The following SLC9A4 variants were observed in gnomAD, a reference collection of about 807,000 sequenced individuals.
SLC9A4 encodes sodium/hydrogen exchanger 4.
SLC9A4 carries 63 observed loss-of-function variants against 67.4 expected under a neutral mutation model. That is an observed-to-expected ratio of 0.93 (90% CI 0.76 to 1.15). The LOEUF is 1.15. Among genes scored for constraint, SLC9A4 ranks in the 50% most tolerant of loss-of-function variants. The probability of loss-of-function intolerance (pLI) is 0.00; values close to 1 mark genes in which losing one functional copy is unlikely to be tolerated. For missense variants in SLC9A4, 1,089 were observed against 987.7 expected (o/e 1.10, Z -1.38); for synonymous variants, 393 against 367.2 (o/e 1.07, Z -0.80).
intron 2 of SLC9A4, among the ~76,000 whole-genome samples, chr2:102,483,409 G>A (rs1053721296): frequency 2.0e-5 from 3 of 152,194 alleles, no homozygotes; most frequent in Non-Finnish European, 4.4e-5. Flanking sequence ...CTTCTTGGGG[G>A]CAGCAGTCAC....
intron 5 of SLC9A4, 115 bp from the exon 6 acceptor site, chr2:102,508,732 A>G: frequency 1.4e-6 from 1 of 729,956 alleles, no homozygotes. Context: ...ACTCTGTAAT[A>G]GCTAGTACAA....
intron 7 of SLC9A4, among the ~76,000 whole-genome samples, chr2:102,513,202 G>A (rs1310595223): frequency 6.6e-6 from 1 of 152,164 alleles, no homozygotes; most frequent in Non-Finnish European, 1.5e-5. Flanking sequence ...GACCCAGTTG[G>A]AATAAGAGGA....
At chr2:102,500,934 A>G (rs1684916665) in intron 2 of SLC9A4, among the ~76,000 whole-genome samples, 1 of 149,498 alleles carries the variant, frequency 6.7e-6, no homozygotes, top group Admixed American at 6.7e-5. Flanking sequence ...TTTACTGCCA[A>G]CCTCTCTGTG....
At position 102,473,653 on chromosome 2, in the gene SLC9A4, A is replaced by G. The variant is rs771191956; in HGVS notation, c.-107A>G. ...TTGGGAGGACCCACAGACTGTACCT[A>G]TATTACTTTTGACCCAGGTGGATGC... On this transcript the variant is annotated 5_prime_UTR_variant, in exon 1 of 12. Transcript: ENST00000295269. 9.4e-6 allele frequency: 13 copies of G among 1,385,122 alleles called. No individual in the cohort carries two copies. The highest frequency in any genetic ancestry group is 5.7e-5 in the African/African-American group (4 of 69,624). 85.8% of individuals were successfully genotyped at this position (1,385,122 alleles called of 1,614,324 possible).
rs752787129 is a variant in SLC9A4, at chr2:102,479,158, C to T, written c.576C>T (p.Asn192=). 3.7e-6 allele frequency: 6 copies of T among 1,614,052 alleles called. No individual in the cohort carries two copies. The highest frequency in any genetic ancestry group is 2.2e-5 in the South Asian group (2 of 91,072). The change falls in exon 2 of 12, where the codon AAC becomes AAT. Residue 192 remains asparagine (N), a synonymous_variant. Transcript: ENST00000295269. Reference sequence around the variant, plus strand: ...AGGCCTTTGGCCTGGGCGACGTCAACCTGCTGCAGAACCTGCTGTTCGGCA... The same window carrying T: ...AGGCCTTTGGCCTGGGCGACGTCAATCTGCTGCAGAACCTGCTGTTCGGCA... The part of the protein sequence containing the change: ...QVKAFGLGDV[N]LLQNLLFGSL...
At chr2:102,501,403 G>A (rs565338366) in intron 2 of SLC9A4, among the ~76,000 whole-genome samples, 50 of 152,096 alleles carry the variant, frequency 3.3e-4, no homozygotes, top group Non-Finnish European at 6.2e-4. Flanking sequence ...TTACAGGCAT[G>A]AGCCTAATTT....
chr2:102,530,355 T>C (rs1674753080), intron 11 of SLC9A4, among the ~76,000 whole-genome samples: 2 of 152,314 alleles, frequency 1.3e-5, no homozygotes, highest in Non-Finnish European at 2.9e-5. Context: ...TATCCACTGC[T>C]CTGCCTGGAA....
chr2:102,483,841 T>TATATATATATATATACACAC (rs370126753), intron 2 of SLC9A4, among the ~76,000 whole-genome samples: 1 of 126,780 alleles, frequency 7.9e-6, no homozygotes, highest in African/African-American at 3.1e-5. Flanking sequence ...TATATATATA[T>TATATATATATATATACACAC]ACACACACAC....
At chr2:102,488,957 A>G (rs1684645562) in intron 2 of SLC9A4, among the ~76,000 whole-genome samples, 1 of 152,214 alleles carries the variant, frequency 6.6e-6, no homozygotes, top group Admixed American at 6.5e-5. Context: ...ATCAAAAAAT[A>G]TTACTGAGCT....
intron 2 of SLC9A4, among the ~76,000 whole-genome samples, chr2:102,498,714 C>T (rs1422434497): frequency 2.6e-5 from 4 of 152,232 alleles, no homozygotes; most frequent in Non-Finnish European, 5.9e-5. Flanking sequence ...GACACAACCA[C>T]TGAGATTCTT....
rs150730217 is a variant in SLC9A4, at chr2:102,507,306, GGA to G, written c.1199-769_1199-768del. Among the ~76,000 whole-genome samples the G allele has an allele frequency of 5.1e-4, 78 of 152,332 alleles. 1 individual carries two copies. The East Asian group carries it at 0.014, about 27-fold the overall frequency. On this transcript the variant is annotated intron_variant, in intron 4 of 11. Transcript: ENST00000295269. ...TGTGACGAGACGCACATGAGGATGT[GGA>G]GAGTTTTATTCTACGAAGTGAAACT...
Position 102,479,376 on chromosome 2 carries a change from G to A in SLC9A4, c.720+74G>A, listed in dbSNP as rs1684410767. 26 of 1,456,136 alleles carry A rather than the reference G, an allele frequency of 1.8e-5. 2 individuals are homozygous for A. The South Asian group carries it at 3.4e-4, about 19-fold the overall frequency. 90.2% of individuals were successfully genotyped at this position (1,456,136 alleles called of 1,614,324 possible). A position where few individuals can be genotyped will look rare whatever the true frequency, so the allele number is the denominator to read the frequency against. On this transcript the variant is annotated intron_variant, in intron 2 of 11. Coordinates refer to ENST00000295269, the MANE Select transcript of SLC9A4 (RefSeq NM_001011552.4). Reference sequence around the variant, plus strand: ...GGTGGGGCTGGGGACCGGAGGCTGTGGAGACGGCTCCAGTGTGGCTCAGCG... The same window carrying A: ...GGTGGGGCTGGGGACCGGAGGCTGTAGAGACGGCTCCAGTGTGGCTCAGCG...
At chr2:102,509,075 G>A (rs1685106452) in intron 6 of SLC9A4, 142 bp downstream of exon 6, 1 of 708,852 alleles carries the variant, frequency 1.4e-6, no homozygotes, top group Non-Finnish European at 2.4e-6. Context: ...TATGGCTGCT[G>A]TAGGAAATTG....
chr2:102,493,302 T>C lies in SLC9A4; in HGVS notation c.721-10146T>C, dbSNP rs1043296688. On this transcript the variant is annotated intron_variant, in intron 2 of 11. Coordinates refer to ENST00000295269, the MANE Select transcript of SLC9A4 (RefSeq NM_001011552.4). ...CCCCACTCTACCTGTACCAATTTAC[T>C]GCATTAGTCCATTTTCATGCTACTA... Among the ~76,000 whole-genome samples, 4 of 150,850 alleles carry C rather than the reference T, an allele frequency of 2.7e-5. 1 individual carries two copies. The highest frequency in any genetic ancestry group is 1.0e-4 in the African/African-American group (4 of 40,162).
At chr2:102,520,956 A>G (rs1203809160) in intron 9 of SLC9A4, among the ~76,000 whole-genome samples, 3 of 152,254 alleles carry the variant, frequency 2.0e-5, no homozygotes, top group African/African-American at 7.2e-5. Context: ...TGTGTCAGTG[A>G]AAGGCTCTGC....
intron 2 of SLC9A4, among the ~76,000 whole-genome samples, chr2:102,498,931 T>C (rs2104428618): frequency 6.6e-6 from 1 of 152,320 alleles, no homozygotes; most frequent in East Asian, 1.9e-4. Flanking sequence ...ACAAGAGTTT[T>C]ACTAAAGAAA....
chr2:102,517,826 G>C (rs1685305840), intron 8 of SLC9A4, among the ~76,000 whole-genome samples: 1 of 152,138 alleles, frequency 6.6e-6, no homozygotes, highest in African/African-American at 2.4e-5. Context: ...AATTATTGCA[G>C]AACTTTTATT....
At position 102,532,460 on chromosome 2, in the gene SLC9A4, C is replaced by T; in HGVS notation, c.2169C>T (p.Phe723=). The change falls in exon 12 of 12, where the codon TTC becomes TTT. Residue 723 remains phenylalanine, a synonymous_variant. Coordinates refer to ENST00000295269, the MANE Select transcript of SLC9A4 (RefSeq NM_001011552.4). ...GCCTACACAGAGGAAGGAAGGCATTCAGCTTTGGTTATCAAAGAAACACAA... is the reference window on the plus strand; with the variant it reads ...GCCTACACAGAGGAAGGAAGGCATTTAGCTTTGGTTATCAAAGAAACACAA... ...MKSLHRGRKA[F]SFGYQRNTSQ... The T allele has an allele frequency of 1.2e-6, 2 of 1,614,180 alleles. No individual in the cohort carries two copies. Among genetic ancestry groups the T allele is most frequent in the Non-Finnish European group, 8.5e-7 (1 of 1,180,034 alleles).
chr2:102,520,828 A>G (rs1685391230), intron 9 of SLC9A4, among the ~76,000 whole-genome samples: 1 of 152,212 alleles, frequency 6.6e-6, no homozygotes, highest in Admixed American at 6.5e-5. Flanking sequence ...GGTTAAGAAC[A>G]CAGGTTTTCT....
Sources: allele counts gnomAD v4.1 joint callset (sites outside exome capture counted in the v4.1 genomes callset), GRCh38; gene constraint gnomAD v4.1.1; transcripts MANE v1.5; gene names NCBI Gene and HGNC (gene_info 2026-07-23, HGNC 2026-07-21).